PCDHA6: variants seen among roughly 807,000 people sequenced by gnomAD.
PCDHA6 encodes protocadherin alpha 6.
A neutral mutation model predicts 60.3 loss-of-function variants in PCDHA6; 55 were observed. The observed-to-expected ratio is 0.91, with a 90% confidence interval of 0.73 to 1.14. The LOEUF is 1.14. Ranked by LOEUF, PCDHA6 falls within the 50% of genes most tolerant of loss-of-function variation. The probability of loss-of-function intolerance (pLI) is 0.00; values close to 1 mark genes in which losing one functional copy is unlikely to be tolerated. For missense variants in PCDHA6, 1,327 were observed against 1,256.5 expected (o/e 1.06, Z -0.85); for synonymous variants, 652 against 557.9 (o/e 1.17, Z -2.38).
chr5:140,877,652 C>G (rs1456022709), intron 1 of PCDHA6: 1 of 1,613,520 alleles, frequency 6.2e-7, no homozygotes, highest in Non-Finnish European at 8.5e-7. Context: ...TCAGCGCCGC[C>G]CACCGTGAGC....
chr5:141,010,205 G>A lies in PCDHA6; in HGVS notation c.*268G>A, dbSNP rs1554262753. On this transcript the variant is annotated 3_prime_UTR_variant, in exon 4 of 4. Transcript: ENST00000529310. ...ACCCAAGTTTCCTTTCTCCTCCGCC[G>A]CAAAGGAGAGGCTTCCCAGCCCCGC... 4 of 1,551,732 alleles carry A rather than the reference G, an allele frequency of 2.6e-6. No homozygotes were observed. Among genetic ancestry groups the A allele is most frequent in the African/African-American group, 1.4e-5 (1 of 73,014 alleles).
chr5:140,869,666 A>C, intron 1 of PCDHA6: 12 of 1,613,524 alleles, frequency 7.4e-6, no homozygotes, highest in Non-Finnish European at 1.0e-5. Flanking sequence ...AATGGTAAGC[A>C]GATTAAAAGA....
chr5:140,950,981 TG>T (rs1443074941), intron 1 of PCDHA6, among the ~76,000 whole-genome samples: 1 of 152,138 alleles, frequency 6.6e-6, no homozygotes, highest in East Asian at 1.9e-4. Context: ...CATTGACTTT[TG>T]CCTCTTTTAG....
rs2150471701 is a variant in PCDHA6, at chr5:140,850,183, C to T, written c.2394+19698C>T. On this transcript the variant is annotated intron_variant, in intron 1 of 3. Transcript: ENST00000529310. ...GTGCTGGACGAGAACGACAATGCGC[C>T]GGCGCTGCTGACACCTCGGATGAGG... The T allele has an allele frequency of 1.9e-6, 3 of 1,593,774 alleles. 1 individual carries two copies. Among genetic ancestry groups the T allele is most frequent in the Non-Finnish European group, 1.7e-6 (2 of 1,167,724 alleles).
chr5:140,831,696 A>G (rs946538219), intron 1 of PCDHA6, among the ~76,000 whole-genome samples: 3 of 152,070 alleles, frequency 2.0e-5, no homozygotes, highest in African/African-American at 7.2e-5. Flanking sequence ...AGCAGCAAAA[A>G]GTAGTGATTA....
At chr5:140,937,944 G>T (rs2091858064) in intron 1 of PCDHA6, among the ~76,000 whole-genome samples, 1 of 151,532 alleles carries the variant, frequency 6.6e-6, no homozygotes. Flanking sequence ...TTTGATAATT[G>T]GCTTTTGTTG....
Position 140,857,175 on chromosome 5 carries a change from A to G in PCDHA6, c.2394+26690A>G, listed in dbSNP as rs149086377. ...ATTGCCCTAATCAGCGTTTCTGACC[A>G]TGATTCAGGAGCCAACGGACAGGTC... On this transcript the variant is annotated intron_variant, in intron 1 of 3. Transcript: ENST00000529310. 1.1e-5 allele frequency: 18 copies of G among 1,598,338 alleles called. No homozygotes were observed. The African/African-American group carries it at 1.3e-4, about 12-fold the overall frequency.
At chr5:140,975,472 A>G (rs1012106018) in intron 1 of PCDHA6, among the ~76,000 whole-genome samples, 2 of 152,250 alleles carry the variant, frequency 1.3e-5, no homozygotes, top group African/African-American at 4.8e-5. Flanking sequence ...AATTCTGCCT[A>G]TCAGTTTATA....
chr5:140,832,245 C>T lies in PCDHA6; in HGVS notation c.2394+1760C>T, dbSNP rs2150200426. ...AGTTGGTTTTGACTTTTTGTGTTGT[C>T]CATGTTCCCAGGAAATATTAGACTA... On this transcript the variant is annotated intron_variant, in intron 1 of 3. Coordinates refer to ENST00000529310, the MANE Select transcript of PCDHA6 (RefSeq NM_018909.4). Among the ~76,000 whole-genome samples, 254 of 152,260 alleles carry T rather than the reference C, an allele frequency of 1.7e-3. 1 individual carries two copies. Among genetic ancestry groups the T allele is most frequent in the African/African-American group, 5.9e-3 (244 of 41,568 alleles).
At chr5:140,994,726 G>A (rs774837274) in intron 3 of PCDHA6, among the ~76,000 whole-genome samples, 1 of 151,958 alleles carries the variant, frequency 6.6e-6, no homozygotes, top group Non-Finnish European at 1.5e-5. Flanking sequence ...TAAAATACTG[G>A]GTATTGCAGG....
chr5:140,924,293 C>T (rs2081770008), intron 1 of PCDHA6, among the ~76,000 whole-genome samples: 1 of 152,192 alleles, frequency 6.6e-6, no homozygotes, highest in African/African-American at 2.4e-5. Context: ...AATAGGCTGA[C>T]ATGTTTCCTC....
At chr5:141,001,314 T>A (rs34374778) in intron 3 of PCDHA6, among the ~76,000 whole-genome samples, 7,675 of 152,288 alleles carry the variant, frequency 0.05, 243 homozygotes, top group South Asian at 0.11. Flanking sequence ...TGAAATAATT[T>A]GCCAAACATC....
chr5:140,944,463 A>C (rs2093660880), intron 1 of PCDHA6, among the ~76,000 whole-genome samples: 1 of 152,198 alleles, frequency 6.6e-6, no homozygotes, highest in Admixed American at 6.5e-5. Flanking sequence ...CTGGGATTAC[A>C]GGTATGAGGC....
chr5:140,941,214 C>CTTCTTTCTTT (rs1554214039), intron 1 of PCDHA6, among the ~76,000 whole-genome samples: 1 of 122,414 alleles, frequency 8.2e-6, no homozygotes, highest in Admixed American at 8.5e-5. Context: ...TTTCTTTCTT[C>CTTCTTTCTTT]CTTTCTTTCT....
chr5:140,842,875 C>A (rs2150347019), intron 1 of PCDHA6: 1 of 1,593,980 alleles, frequency 6.3e-7, no homozygotes, highest in Non-Finnish European at 8.6e-7. Flanking sequence ...GCAAGGTGTA[C>A]GCGCTGCAGC....
intron 1 of PCDHA6, among the ~76,000 whole-genome samples, chr5:140,949,914 C>T (rs941651578): frequency 1.3e-5 from 2 of 151,190 alleles, no homozygotes; most frequent in African/African-American, 4.8e-5. Context: ...TTAGATATAA[C>T]TATTTTTAGA....
intron 1 of PCDHA6, chr5:140,882,287 G>A (rs1289206552): frequency 3.1e-6 from 5 of 1,613,126 alleles, no homozygotes; most frequent in African/African-American, 1.3e-5. Context: ...TTCCTGGCAA[G>A]GAGGCCCAAG....
intron 3 of PCDHA6, among the ~76,000 whole-genome samples, chr5:140,983,261 CT>C (rs1240749572): frequency 7.9e-5 from 12 of 152,158 alleles, no homozygotes; most frequent in Admixed American, 7.9e-4. Context: ...TGTAAAAAAC[CT>C]AATGGCTGGG....
At chr5:140,988,414 T>C (rs1554250128) in intron 3 of PCDHA6, among the ~76,000 whole-genome samples, 1 of 152,194 alleles carries the variant, frequency 6.6e-6, no homozygotes. Flanking sequence ...GCAGCTTATG[T>C]AAAGAATTTG....
Sources: allele counts gnomAD v4.1 joint callset (sites outside exome capture counted in the v4.1 genomes callset), GRCh38; gene constraint gnomAD v4.1.1; transcripts MANE v1.5; gene names NCBI Gene and HGNC (gene_info 2026-07-23, HGNC 2026-07-21).